OSBP2: variants seen among roughly 807,000 people sequenced by gnomAD.
OSBP2 encodes oxysterol-binding protein 2.
In OSBP2, 66 loss-of-function variants were observed where a neutral mutation model predicts 96.0. The ratio of observed to expected loss-of-function variants is 0.69; its 90% CI spans 0.56 to 0.84. OSBP2 has a LOEUF of 0.84. OSBP2 is among the 40% of genes least tolerant of loss of function. OSBP2 has a pLI of 0.00. For missense variants in OSBP2, 1,038 were observed against 1,222.7 expected (o/e 0.85, Z 2.25); for synonymous variants, 525 against 520.9 (o/e 1.01, Z -0.11).
intron 1 of OSBP2, among the ~76,000 whole-genome samples, chr22:30,699,289 T>C (rs1052292502): frequency 1.3e-5 from 2 of 152,164 alleles, no homozygotes; most frequent in East Asian, 1.9e-4. Flanking sequence ...TTCTAATATA[T>C]AGAGTATGTT....
At chr22:30,864,438 G>A (rs78991861) in intron 2 of OSBP2, among the ~76,000 whole-genome samples, 3 of 152,104 alleles carry the variant, frequency 2.0e-5, no homozygotes, top group Non-Finnish European at 2.9e-5. Context: ...TGTGTGCGGC[G>A]TGGCTCAGGA....
At chr22:30,774,474 A>G (rs2090402051) in intron 2 of OSBP2, among the ~76,000 whole-genome samples, 1 of 152,182 alleles carries the variant, frequency 6.6e-6, no homozygotes, top group South Asian at 2.1e-4. Context: ...ATGCGCCACC[A>G]CCTTGGGGCC....
chr22:30,813,879 C>T (rs1261691715), intron 2 of OSBP2, among the ~76,000 whole-genome samples: 3 of 151,846 alleles, frequency 2.0e-5, no homozygotes, highest in East Asian at 2.0e-4. Flanking sequence ...CTCAGCTCAC[C>T]GCAACCTCCG....
chr22:30,895,688 C>T (rs934560298), intron 12 of OSBP2, among the ~76,000 whole-genome samples: 8 of 152,078 alleles, frequency 5.3e-5, no homozygotes, highest in Admixed American at 5.2e-4. Flanking sequence ...CCTGTAATCC[C>T]AACACTTTGG....
intron 2 of OSBP2, among the ~76,000 whole-genome samples, chr22:30,826,933 C>A (rs2038417935): frequency 6.6e-6 from 1 of 152,188 alleles, no homozygotes; most frequent in Non-Finnish European, 1.5e-5. Context: ...AACTCTGGAA[C>A]AACCAGGGAA....
intron 1 of OSBP2, among the ~76,000 whole-genome samples, chr22:30,732,235 C>T (rs1360737319): frequency 2.6e-5 from 4 of 151,992 alleles, no homozygotes; most frequent in East Asian, 1.9e-4. Flanking sequence ...ACCTGGGAGG[C>T]GGAGGTTGCA....
intron 2 of OSBP2, among the ~76,000 whole-genome samples, chr22:30,858,142 TG>T (rs1569152893): frequency 6.5e-5 from 6 of 92,978 alleles, no homozygotes; most frequent in African/African-American, 1.3e-4. Context: ...TTTGTTTGTT[TG>T]TTTGTTTGTT....
At chr22:30,855,413 G>T (rs934534988) in intron 2 of OSBP2, among the ~76,000 whole-genome samples, 5 of 152,168 alleles carry the variant, frequency 3.3e-5, no homozygotes, top group Admixed American at 1.3e-4. Context: ...GTTAAAGGGG[G>T]CCAGAAGGAG....
At chr22:30,733,520 C>G (rs979553196) in intron 1 of OSBP2, among the ~76,000 whole-genome samples, 1 of 152,128 alleles carries the variant, frequency 6.6e-6, no homozygotes, top group Admixed American at 6.6e-5. Context: ...TCCAGCTTGT[C>G]GGTGACCACT....
At chr22:30,841,942 T>C (rs975411736) in intron 2 of OSBP2, among the ~76,000 whole-genome samples, 25 of 151,962 alleles carry the variant, frequency 1.6e-4, no homozygotes, top group Non-Finnish European at 3.1e-4. Flanking sequence ...TGAGACTCTG[T>C]CTCAAACAAT....
chr22:30,893,156 T>G lies in OSBP2; in HGVS notation c.1904T>G (p.Val635Gly). Residue 635 changes from valine (V) to glycine (G), a missense_variant, in exon 9 of 14, where the codon GTG becomes GGG. By Grantham distance (109) the Val-to-Gly change is moderately radical (BLOSUM62 -3). Around this residue, in one of 3 missense-constraint regions of OSBP2, gnomAD observed 737 missense variants for 913.3 expected, o/e 0.81. Transcript: ENST00000332585. ...CACCCCCCCTCAGCTGCGCACTACG[T>G]GTTCTCCAAGCATGGCTGGAGCCTC... ...SHHPPSAAHY[V>G]FSKHGWSLWQ... is the part of the protein sequence containing the mutation. The G allele has an allele frequency of 6.2e-7, 1 of 1,614,092 alleles. No individual in the cohort carries two copies. Among genetic ancestry groups the G allele is most frequent in the Non-Finnish European group, 8.5e-7 (1 of 1,179,954 alleles).
At chr22:30,864,803 C>T (rs1448934076) in intron 2 of OSBP2, among the ~76,000 whole-genome samples, 1 of 152,160 alleles carries the variant, frequency 6.6e-6, no homozygotes, top group Non-Finnish European at 1.5e-5. Context: ...CAGGGCTGCT[C>T]TCCTCTCCAG....
At chr22:30,858,049 C>A (rs5997786) in intron 2 of OSBP2, among the ~76,000 whole-genome samples, 2 of 151,618 alleles carry the variant, frequency 1.3e-5, no homozygotes, top group Non-Finnish European at 2.9e-5. Flanking sequence ...GCAGGCACTG[C>A]GCAGCTAGGC....
In OSBP2 at chr22:30,725,292, G is replaced by T. The variant is rs558728702; in HGVS notation, c.645-15869G>T. On this transcript the variant is annotated intron_variant, in intron 1 of 13. Coordinates refer to ENST00000332585, the MANE Select transcript of OSBP2 (RefSeq NM_030758.4). ...GGCCAAGGCAGTCAGATCTCTTGAG[G>T]CCAGGAGTTCAACACCAGCAGCCTA... Among the ~76,000 whole-genome samples, 6 of 152,046 alleles carry T rather than the reference G, an allele frequency of 3.9e-5. No homozygotes were observed. The South Asian group carries it at 1.0e-3, about 26-fold the overall frequency.
chr22:30,906,134 G>A (rs774472140), intron 13 of OSBP2, 63 bp from the exon 14 acceptor site: 532 of 1,611,072 alleles, frequency 3.3e-4, no homozygotes, highest in Non-Finnish European at 4.4e-4. Flanking sequence ...GGGTGCCGCA[G>A]GGACGGATTC....
At chr22:30,696,491 A>G (rs1041683623) in intron 1 of OSBP2, among the ~76,000 whole-genome samples, 1 of 152,168 alleles carries the variant, frequency 6.6e-6, no homozygotes, top group Non-Finnish European at 1.5e-5. Context: ...ATAACTTCCC[A>G]GGCGTGGCTG....
At chr22:30,743,071 G>A (rs1044475712) in intron 2 of OSBP2, among the ~76,000 whole-genome samples, 1 of 152,216 alleles carries the variant, frequency 6.6e-6, no homozygotes, top group Admixed American at 6.5e-5. Context: ...AGTCATTAGT[G>A]GAATGGTGTA....
At chr22:30,865,936 C>G (rs1479875535) in intron 2 of OSBP2, among the ~76,000 whole-genome samples, 2 of 152,314 alleles carry the variant, frequency 1.3e-5, no homozygotes, top group East Asian at 3.9e-4. Flanking sequence ...ATGTGCCAGT[C>G]TTTGCAGGAA....
At chr22:30,775,018 C>T (rs1479628030) in intron 2 of OSBP2, among the ~76,000 whole-genome samples, 1 of 152,160 alleles carries the variant, frequency 6.6e-6, no homozygotes, top group Non-Finnish European at 1.5e-5. Context: ...TTCATCTCAG[C>T]CCTTCCTATT....
Sources: allele counts gnomAD v4.1 joint callset (sites outside exome capture counted in the v4.1 genomes callset), GRCh38; gene constraint gnomAD v4.1.1; regional missense constraint gnomAD v4.1.1; transcripts MANE v1.5; gene names NCBI Gene and HGNC (gene_info 2026-07-23, HGNC 2026-07-21).